GRID2: variants seen among roughly 807,000 people sequenced by gnomAD.
GRID2 encodes the protein glutamate receptor ionotropic, delta-2.
In GRID2, 33 loss-of-function variants were observed where a neutral mutation model predicts 114.8. That is an observed-to-expected ratio of 0.29 (90% CI 0.22 to 0.38). The LOEUF is 0.38. Among genes scored for constraint, GRID2 ranks in the 10% least tolerant of loss-of-function variants. The pLI is 1.00. For missense variants in GRID2, 1,184 were observed against 1,257.7 expected, an observed-to-expected ratio of 0.94 and a Z score of 0.89; for synonymous variants, 505 against 449.9, an observed-to-expected ratio of 1.12 and a Z score of -1.55.
intron 5 of GRID2, among the ~76,000 whole-genome samples, chr4:93,214,225 A>G (rs1216957237): frequency 6.6e-6 from 1 of 152,032 alleles, no homozygotes; most frequent in Non-Finnish European, 1.5e-5. Flanking sequence ...ATTTTAAAAA[A>G]TCTGACAGTT....
chr4:93,677,139 C>T (rs957200064), intron 14 of GRID2, among the ~76,000 whole-genome samples: 1 of 152,218 alleles, frequency 6.6e-6, no homozygotes, highest in African/African-American at 2.4e-5. Context: ...CCGCACCTGG[C>T]TCGGAGGGTC....
intron 2 of GRID2, among the ~76,000 whole-genome samples, chr4:92,698,009 A>T (rs1734500825): frequency 6.6e-6 from 1 of 152,188 alleles, no homozygotes. Context: ...AACATCAATT[A>T]AATACATCAA....
intron 1 of GRID2, among the ~76,000 whole-genome samples, chr4:92,442,381 T>A (rs1304820051): frequency 2.0e-5 from 3 of 152,056 alleles, no homozygotes; most frequent in Admixed American, 1.3e-4. Context: ...AATTCCGGGC[T>A]GCGGGCATTC....
At chr4:93,440,348 C>G (rs1050345471) in intron 10 of GRID2, among the ~76,000 whole-genome samples, 2 of 151,842 alleles carry the variant, frequency 1.3e-5, no homozygotes, top group African/African-American at 2.4e-5. Flanking sequence ...CAAAGGGGAC[C>G]AGAGTAAAAT....
At chr4:93,664,767 G>T (rs922780267) in intron 14 of GRID2, among the ~76,000 whole-genome samples, 5 of 152,102 alleles carry the variant, frequency 3.3e-5, no homozygotes, top group Admixed American at 3.3e-4. Context: ...GAGATCTTGG[G>T]CATTAACTCA....
chr4:93,262,599 C>A (rs1750372097), intron 8 of GRID2, among the ~76,000 whole-genome samples: 1 of 151,842 alleles, frequency 6.6e-6, no homozygotes, highest in African/African-American at 2.4e-5. Flanking sequence ...ACTTCTTATG[C>A]AAAACTTGGA....
chr4:93,087,274 T>G (rs1301118918), intron 3 of GRID2, among the ~76,000 whole-genome samples: 2 of 151,892 alleles, frequency 1.3e-5, no homozygotes, highest in Admixed American at 1.3e-4. Flanking sequence ...TCTCCTGACA[T>G]CGTGATCCAC....
In GRID2 at chr4:93,207,632, G is replaced by A. The variant is rs536794211; in HGVS notation, c.789+175G>A. Among the ~76,000 whole-genome samples, 5 of 151,940 alleles carry A rather than the reference G, an allele frequency of 3.3e-5. No homozygotes were observed. In the East Asian group the frequency reaches 7.7e-4, roughly 23 times the overall value. ...ATGAAGAGTTTTTAAAAATGATAAA[G>A]GGTTTTATATTAATAAAATAAATGG... On this transcript the variant is annotated intron_variant, in intron 5 of 15. Transcript: ENST00000282020.
chr4:92,664,546 T>C (rs910020163), intron 2 of GRID2, among the ~76,000 whole-genome samples: 1 of 151,170 alleles, frequency 6.6e-6, no homozygotes, highest in Non-Finnish European at 1.5e-5. Context: ...ATGTTCTTTA[T>C]ATGTCTGTTA....
intron 2 of GRID2, among the ~76,000 whole-genome samples, chr4:92,714,771 C>G (rs1735449486): frequency 6.6e-6 from 1 of 152,150 alleles, no homozygotes; most frequent in South Asian, 2.1e-4. Context: ...GCTGGAGTGG[C>G]TAGGACACAG....
At chr4:92,502,516 A>G (rs1298769018) in intron 1 of GRID2, among the ~76,000 whole-genome samples, 6 of 152,108 alleles carry the variant, frequency 3.9e-5, no homozygotes. Context: ...CATTAGAAAG[A>G]AATGTTCTGA....
intron 2 of GRID2, among the ~76,000 whole-genome samples, chr4:93,029,480 C>T (rs923897051): frequency 1.3e-5 from 2 of 152,046 alleles, no homozygotes; most frequent in Admixed American, 6.6e-5. Context: ...TGTAACACTA[C>T]ATGTAATTGT....
chr4:93,100,872 A>G (rs1350731948), intron 3 of GRID2, among the ~76,000 whole-genome samples: 1 of 152,104 alleles, frequency 6.6e-6, no homozygotes, highest in Admixed American at 6.6e-5. Context: ...AACAATAATC[A>G]GACTGAGAAT....
chr4:93,251,830 A>G (rs946477206), intron 8 of GRID2, among the ~76,000 whole-genome samples: 2 of 152,140 alleles, frequency 1.3e-5, no homozygotes, highest in Non-Finnish European at 2.9e-5. Context: ...CCTGGAAAGG[A>G]TATGATCTTG....
chr4:92,636,666 G>A (rs1731080837), intron 2 of GRID2, among the ~76,000 whole-genome samples: 3 of 151,946 alleles, frequency 2.0e-5, no homozygotes, highest in African/African-American at 7.2e-5. Context: ...ATGGTGACAT[G>A]TCAAAGGTTG....
intron 1 of GRID2, among the ~76,000 whole-genome samples, chr4:92,310,416 T>A (rs979346523): frequency 4.6e-5 from 7 of 151,990 alleles, no homozygotes; most frequent in Admixed American, 6.6e-5. Context: ...TATGCCAAAG[T>A]TCATTAATTA....
chr4:92,674,586 G>T (rs1043401398), intron 2 of GRID2, among the ~76,000 whole-genome samples: 1 of 151,982 alleles, frequency 6.6e-6, no homozygotes, highest in African/African-American at 2.4e-5. Context: ...ACAGTGGCAC[G>T]ATCTCAGCTC....
chr4:92,969,334 T>A (rs186425670), intron 2 of GRID2, among the ~76,000 whole-genome samples: 1 of 151,938 alleles, frequency 6.6e-6, no homozygotes, highest in Admixed American at 6.6e-5. Flanking sequence ...GCATGTTGTA[T>A]AACTGCCTTA....
At chr4:93,025,712 A>G (rs1200398427) in intron 2 of GRID2, among the ~76,000 whole-genome samples, 1 of 151,786 alleles carries the variant, frequency 6.6e-6, no homozygotes. Flanking sequence ...AGTGAGAAAT[A>G]GGCTTTAAAT....
Sources: allele counts gnomAD v4.1 joint callset (sites outside exome capture counted in the v4.1 genomes callset), GRCh38; gene constraint gnomAD v4.1.1; transcripts MANE v1.5; gene names NCBI Gene and HGNC (gene_info 2026-07-23, HGNC 2026-07-21).